Variants in FAM20A observed in about 807,000 individuals in gnomAD.
FAM20A encodes pseudokinase FAM20A.
Under a neutral mutation model 52.0 loss-of-function variants are expected in FAM20A, and 42 were observed. That is an observed-to-expected ratio of 0.81 (90% CI 0.63 to 1.04). The LOEUF (loss-of-function observed/expected upper bound fraction) is 1.04, where lower values mean the gene tolerates loss of function less well. Among genes scored for constraint, FAM20A ranks in the 50% least tolerant of loss-of-function variants. The probability of loss-of-function intolerance (pLI) is 0.00; values close to 1 mark genes in which losing one functional copy is unlikely to be tolerated. For synonymous variants in FAM20A, 304 were observed against 298.9 expected (o/e 1.02, Z -0.18); for missense variants, 742 against 712.7 (o/e 1.04, Z -0.47).
intron 1 of FAM20A, among the ~76,000 whole-genome samples, chr17:68,596,037 A>G (rs2088442510): frequency 6.6e-6 from 1 of 152,206 alleles, no homozygotes; most frequent in South Asian, 2.1e-4. Flanking sequence ...ATCCCCCAGA[A>G]AAACTTCAGC....
At chr17:68,592,397 A>G (rs903473014) in intron 1 of FAM20A, among the ~76,000 whole-genome samples, 5 of 152,220 alleles carry the variant, frequency 3.3e-5, no homozygotes, top group Non-Finnish European at 7.3e-5. Context: ...ATTCCGTTTC[A>G]ACTGGTGAAA....
At chr17:68,540,369 G>A (rs1164097247) in intron 8 of FAM20A, among the ~76,000 whole-genome samples, 3 of 152,214 alleles carry the variant, frequency 2.0e-5, no homozygotes, top group Non-Finnish European at 2.9e-5. Context: ...GCACGATGAT[G>A]AGCCAGCTGT....
chr17:68,541,395 G>A (rs565861650), intron 7 of FAM20A: 12 of 221,506 alleles, frequency 5.4e-5, no homozygotes, highest in East Asian at 1.1e-4. Context: ...ATTTTCATCC[G>A]AGGGCTCTTC....
chr17:68,546,657 T>C (rs1013981097), intron 4 of FAM20A, among the ~76,000 whole-genome samples: 38 of 152,042 alleles, frequency 2.5e-4, no homozygotes, highest in Admixed American at 8.5e-4. Flanking sequence ...GGTGAAACCC[T>C]GTCTCTACTA....
At position 68,540,705 on chromosome 17, in the gene FAM20A, A is replaced by G. The variant is rs1568719909; in HGVS notation, c.1219+144T>C. 20 of 1,019,976 alleles carry G rather than the reference A, an allele frequency of 2.0e-5. No individual in the cohort carries two copies. In the Middle Eastern group the frequency reaches 6.4e-4, roughly 33 times the overall value. The allele number at this position is 1,019,976 out of a possible 1,614,324, so 63.2% of individuals were successfully genotyped here. A position where few individuals can be genotyped will look rare whatever the true frequency, so the allele number is the denominator to read the frequency against. The stretch of plus-strand genomic sequence containing the variant: ...AGCCTGTTACCTTCTGTCCTCTGGG[A>G]CCTCCGCCACTTCTGAGGCTGTGGG... On this transcript the variant is annotated intron_variant, in intron 8 of 10. Coordinates refer to ENST00000592554, the MANE Select transcript of FAM20A (RefSeq NM_017565.4).
chr17:68,555,726 C>A lies in FAM20A; in HGVS notation c.422G>T (p.Arg141Ile), dbSNP rs747334067. The change falls in exon 2 of 11, where the codon AGA (arginine) becomes ATA (isoleucine). Residue 141 changes from arginine (R) to isoleucine (I), a missense_variant. Arg to Ile is a moderately conservative substitution (Grantham distance 97, BLOSUM62 -3). Coordinates refer to ENST00000592554, the MANE Select transcript of FAM20A (RefSeq NM_017565.4). ...ARWNRRHKMY[R>I]EQMNLTSLDP... ...CAGGGAGGTAAGGTTCATCTGCTCT[C>A]TGTACATCTTGTGTCGCCTGAAAGA... 3 of 1,614,056 alleles carry A rather than the reference C, an allele frequency of 1.9e-6. No homozygotes were observed. In the Admixed American group the frequency reaches 5.0e-5, roughly 27 times the overall value.
chr17:68,560,359 A>G (rs899865505), intron 1 of FAM20A, among the ~76,000 whole-genome samples: 79 of 151,736 alleles, frequency 5.2e-4, no homozygotes, highest in Non-Finnish European at 9.7e-4. Context: ...AAAAAAAAAA[A>G]AGAGATTTCG....
chr17:68,587,751 CT>C (rs1315881616), intron 1 of FAM20A, among the ~76,000 whole-genome samples: 1 of 152,150 alleles, frequency 6.6e-6, no homozygotes, highest in Non-Finnish European at 1.5e-5. Context: ...CTGTGGTGAT[CT>C]AATGACATAC....
chr17:68,574,344 G>T (rs1164782252), intron 1 of FAM20A, among the ~76,000 whole-genome samples: 3 of 152,158 alleles, frequency 2.0e-5, no homozygotes, highest in Admixed American at 6.5e-5. Context: ...GCATCACATG[G>T]CGAGGGGGCT....
At chr17:68,542,878 C>T (rs754617092) in intron 5 of FAM20A, 69 bp from the exon 6 acceptor site, 6 of 1,217,712 alleles carry the variant, frequency 4.9e-6, no homozygotes, top group African/African-American at 1.5e-5. Context: ...TTTTGTCCCC[C>T]GGCCAGTGCA....
rs66842235 is a variant in FAM20A, at chr17:68,550,943, GGCTCTCAA to G, written c.719+922_719+929del. On this transcript the variant is annotated intron_variant, in intron 4 of 10. Coordinates refer to ENST00000592554, the MANE Select transcript of FAM20A (RefSeq NM_017565.4). ...CCCTGCCCTTAGAACCATCTACTGG[GGCTCTCAA>G]TGGGCCTCCCCTTGAATGGCTGAAG... The G allele has an allele frequency of 0.01, 6,173 of 599,940 alleles. 308 individuals are homozygous for G. The African/African-American group carries it at 0.11, about 10-fold the overall frequency. 37.2% of individuals were successfully genotyped at this position (599,940 alleles called of 1,614,324 possible).
chr17:68,546,604 G>A (rs2086577397), intron 4 of FAM20A, among the ~76,000 whole-genome samples: 3 of 152,150 alleles, frequency 2.0e-5, no homozygotes, highest in African/African-American at 7.2e-5. Flanking sequence ...GCCGAGGCGG[G>A]CGGATCACGA....
chr17:68,577,003 C>T (rs1352927970), intron 1 of FAM20A, among the ~76,000 whole-genome samples: 1 of 152,184 alleles, frequency 6.6e-6, no homozygotes, highest in Non-Finnish European at 1.5e-5. Flanking sequence ...CTAAGAGTCC[C>T]CAGAGTCCAG....
intron 4 of FAM20A, 90 bp downstream of exon 4, chr17:68,551,779 CAGAA>C (rs1355046916): frequency 4.9e-6 from 4 of 808,914 alleles, no homozygotes; most frequent in Non-Finnish European, 6.3e-6. Context: ...GAATAACTGG[CAGAA>C]AGACTTTAGG....
At chr17:68,597,385 T>C (rs2088483066) in intron 1 of FAM20A, among the ~76,000 whole-genome samples, 1 of 144,978 alleles carries the variant, frequency 6.9e-6, no homozygotes, top group Non-Finnish European at 1.5e-5. Context: ...CATGGAGGCA[T>C]CCACATTTTT....
intron 1 of FAM20A, chr17:68,592,012 G>C (rs1364834391): frequency 6.6e-6 from 1 of 152,220 alleles, no homozygotes; most frequent in East Asian, 1.9e-4. Flanking sequence ...TTCTGCAACA[G>C]TAAGAAAATG....
rs2286562 is a variant in FAM20A, at chr17:68,543,706, C to T, written c.735G>A (p.Glu245=). The change falls in exon 5 of 11, where the codon GAG becomes GAA. Residue 245 remains glutamate (E), a synonymous_variant. Coordinates refer to ENST00000592554, the MANE Select transcript of FAM20A (RefSeq NM_017565.4). The stretch of plus-strand genomic sequence containing the variant: ...AGTAGAAGAAGTCCACTGGTGTCTC[C>T]TCATCTCGCTGCTGTCTGGAAGGAA... The part of the protein sequence containing the change: ...MFKPMRQQRD[E]ETPVDFFYFI... 0.18 allele frequency: 295,454 copies of T among 1,613,048 alleles called. 30,155 individuals carry two copies. The highest frequency in any genetic ancestry group is 0.42 in the East Asian group (18,808 of 44,858).
intron 2 of FAM20A, 111 bp downstream of exon 2, chr17:68,555,448 G>A: frequency 8.7e-7 from 1 of 1,152,304 alleles, no homozygotes; most frequent in Non-Finnish European, 1.3e-6. Flanking sequence ...TCTTCTCTCA[G>A]GTGTCCATGT....
At chr17:68,581,352 TTCTTTC>T (rs1434219357) in intron 1 of FAM20A, among the ~76,000 whole-genome samples, 13 of 85,288 alleles carry the variant, frequency 1.5e-4, no homozygotes, top group African/African-American at 5.6e-4. Context: ...AATGCAGTTT[TTCTTTC>T]TTTCTTTCTT....
Sources: allele counts gnomAD v4.1 joint callset (sites outside exome capture counted in the v4.1 genomes callset), GRCh38; gene constraint gnomAD v4.1.1; transcripts MANE v1.5; gene names NCBI Gene and HGNC (gene_info 2026-07-23, HGNC 2026-07-21).